SUGCT: variants seen among roughly 807,000 people sequenced by gnomAD.
SUGCT encodes succinyl-CoA:glutarate CoA-transferase.
SUGCT carries 41 observed loss-of-function variants against 55.0 expected under a neutral mutation model. That is an observed-to-expected ratio of 0.74 (90% CI 0.58 to 0.97). SUGCT has a LOEUF of 0.97. SUGCT is among the 50% of genes least tolerant of loss of function. The pLI is 0.00. For missense variants in SUGCT, 568 were observed against 547.8 expected, an observed-to-expected ratio of 1.04 and a Z score of -0.37; for synonymous variants, 187 against 200.4, an observed-to-expected ratio of 0.93 and a Z score of 0.56.
chr7:41,001,493 T>C, the SUGCT span, among the ~76,000 whole-genome samples: 3 of 152,242 alleles, frequency 2.0e-5, no homozygotes, highest in East Asian at 3.9e-4. Context: ...AGGGAATGTC[T>C]GAATTCAGGC....
At chr7:40,493,878 A>G (rs1037488759) in intron 11 of SUGCT, among the ~76,000 whole-genome samples, 3 of 152,174 alleles carry the variant, frequency 2.0e-5, no homozygotes, top group African/African-American at 4.8e-5. Context: ...AAAATGATGG[A>G]TATGTCCTCT....
At chr7:40,491,881 C>T (rs1583821818) in intron 11 of SUGCT, among the ~76,000 whole-genome samples, 2 of 152,012 alleles carry the variant, frequency 1.3e-5, no homozygotes, top group Non-Finnish European at 2.9e-5. Flanking sequence ...TCCCAGCTAT[C>T]TGGGAGGCTG....
At chr7:40,601,660 G>T (rs941159730) in intron 12 of SUGCT, among the ~76,000 whole-genome samples, 1 of 152,022 alleles carries the variant, frequency 6.6e-6, no homozygotes, top group East Asian at 1.9e-4. Flanking sequence ...CCAACATGCG[G>T]CCTGCAGACA....
intron 12 of SUGCT, among the ~76,000 whole-genome samples, chr7:40,607,237 G>A (rs1295858502): frequency 6.6e-6 from 1 of 151,850 alleles, no homozygotes; most frequent in Non-Finnish European, 1.5e-5. Context: ...CCAAGTAGCT[G>A]GAACTATAGG....
chr7:40,195,389 AT>A (rs1191181900), intron 6 of SUGCT, among the ~76,000 whole-genome samples: 1 of 151,304 alleles, frequency 6.6e-6, no homozygotes, highest in Non-Finnish European at 1.5e-5. Flanking sequence ...CGCCCAGCTA[AT>A]TTTTGTATTT....
intron 12 of SUGCT, among the ~76,000 whole-genome samples, chr7:40,747,005 G>A (rs1787763339): frequency 6.6e-6 from 1 of 152,166 alleles, no homozygotes; most frequent in Admixed American, 6.5e-5. Context: ...GTAGAACTGA[G>A]ATTTAGCACC....
chr7:40,903,179 G>A, the SUGCT span, among the ~76,000 whole-genome samples: 2 of 151,926 alleles, frequency 1.3e-5, no homozygotes. Flanking sequence ...CTATAGGCGC[G>A]TGTCACCACT....
chr7:40,595,982 TC>T (rs1315458739), intron 12 of SUGCT, among the ~76,000 whole-genome samples: 3 of 152,192 alleles, frequency 2.0e-5, no homozygotes, highest in African/African-American at 7.2e-5. Context: ...TAACACTGAA[TC>T]TTGGACATGT....
At chr7:40,557,853 T>C (rs1424362215) in intron 12 of SUGCT, among the ~76,000 whole-genome samples, 1 of 151,362 alleles carries the variant, frequency 6.6e-6, no homozygotes, top group East Asian at 1.9e-4. Flanking sequence ...TATTTGTAAA[T>C]TACACATCTG....
At chr7:40,144,545 T>C (rs1436404945) in intron 1 of SUGCT, among the ~76,000 whole-genome samples, 2 of 152,168 alleles carry the variant, frequency 1.3e-5, no homozygotes, top group Non-Finnish European at 2.9e-5. Flanking sequence ...GCTGGAGTTT[T>C]CCTTCTTTCC....
intron 7 of SUGCT, among the ~76,000 whole-genome samples, chr7:40,248,984 T>C (rs1025906453): frequency 1.3e-5 from 2 of 151,928 alleles, no homozygotes; most frequent in Non-Finnish European, 2.9e-5. Context: ...CTGTATTTGC[T>C]ATGGGTTAAA....
At chr7:40,690,148 A>G (rs1454053623) in intron 12 of SUGCT, among the ~76,000 whole-genome samples, 3 of 152,228 alleles carry the variant, frequency 2.0e-5, no homozygotes, top group Non-Finnish European at 4.4e-5. Context: ...GAGTCCAAAA[A>G]GGATGCCGAA....
intron 8 of SUGCT, among the ~76,000 whole-genome samples, chr7:40,313,000 A>G (rs1160113281): frequency 6.6e-6 from 1 of 152,208 alleles, no homozygotes; most frequent in Non-Finnish European, 1.5e-5. Flanking sequence ...GACAGACACC[A>G]TGTGACTGCT....
intron 12 of SUGCT, among the ~76,000 whole-genome samples, chr7:40,722,536 G>T (rs1411983162): frequency 1.3e-5 from 2 of 152,134 alleles, no homozygotes; most frequent in Admixed American, 6.5e-5. Flanking sequence ...CAAGCCAGTT[G>T]CATGAAAATG....
chr7:40,689,215 A>G (rs1366719755), intron 12 of SUGCT, among the ~76,000 whole-genome samples: 1 of 152,204 alleles, frequency 6.6e-6, no homozygotes, highest in Non-Finnish European at 1.5e-5. Context: ...TAGCCTGTCA[A>G]GTAATAGAAA....
chr7:40,992,464 A>T, the SUGCT span, among the ~76,000 whole-genome samples: 69 of 152,240 alleles, frequency 4.5e-4, 1 homozygote, highest in East Asian at 0.013. Context: ...TGTGACTAAG[A>T]ATGCCTTAAC....
At chr7:40,182,525 GCACTCCAGC>G (rs1785275226) in intron 3 of SUGCT, among the ~76,000 whole-genome samples, 3 of 145,438 alleles carry the variant, frequency 2.1e-5, no homozygotes, top group African/African-American at 7.8e-5. Context: ...TCATGCCACT[GCACTCCAGC>G]CTAGGCAACA....
chr7:40,230,031 A>G (rs1274284232), intron 6 of SUGCT, among the ~76,000 whole-genome samples: 1 of 152,182 alleles, frequency 6.6e-6, no homozygotes, highest in Non-Finnish European at 1.5e-5. Flanking sequence ...TTAGAATATT[A>G]ATCTTAACCT....
chr7:40,202,714 A>G (rs891422042), intron 6 of SUGCT, among the ~76,000 whole-genome samples: 1 of 152,142 alleles, frequency 6.6e-6, no homozygotes. Context: ...TAGTCTCCTC[A>G]GAGACCTCAG....
Sources: gnomAD v4.1 joint callset for allele counts (sites outside exome capture counted in the v4.1 genomes callset) on GRCh38, gnomAD v4.1.1 for gene constraint, MANE v1.5 for transcripts, NCBI Gene and HGNC (gene_info 2026-07-23, HGNC 2026-07-21) for gene names.